The following ORC4 variants were observed in gnomAD, a reference collection of about 807,000 sequenced individuals.
ORC4 encodes origin recognition complex, subunit 4 homolog.
In ORC4, 55 loss-of-function variants were observed where a neutral mutation model predicts 63.9. That is an observed-to-expected ratio of 0.86 (90% CI 0.69 to 1.08). The LOEUF (loss-of-function observed/expected upper bound fraction) is 1.08. Ranked by LOEUF, ORC4 falls within the 50% of genes least tolerant of loss-of-function variation. The pLI, the probability that ORC4 is intolerant of heterozygous loss-of-function variation, is 0.00. For synonymous variants in ORC4, 150 were observed against 168.5 expected (o/e 0.89, Z 0.85); for missense variants, 511 against 504.4 (o/e 1.01, Z -0.13).
rs1158004127 is a variant in ORC4 at position 147,935,653 on chromosome 2, T to C, written c.1168A>G (p.Arg390Gly). The change falls in exon 14 of 14, where the codon AGA becomes GGA. Residue 390 changes from arginine (R) to glycine (G), a missense_variant. Physicochemically the swap from Arg to Gly is moderately radical, Grantham distance 125. Transcript: ENST00000392857. ...TCTCTCTGTGAATTTCCTGAAGTTC[T>C]TTCCATGGGCTTTATTAATTCTAAT... ...QQLELIKPME[R>G]TSGNSQREYQ... 3 of 1,613,528 alleles carry C rather than the reference T, an allele frequency of 1.9e-6. No individual in the cohort carries two copies. The highest frequency in any genetic ancestry group is 3.3e-5 in the Admixed American group (2 of 59,998).
intron 4 of ORC4, among the ~76,000 whole-genome samples, chr2:147,960,899 G>C (rs1436651300): frequency 6.6e-6 from 1 of 151,954 alleles, no homozygotes; most frequent in African/African-American, 2.4e-5. Context: ...AACAAAAAAA[G>C]GTATTTTCTA....
intron 4 of ORC4, among the ~76,000 whole-genome samples, chr2:147,968,608 T>C (rs572412933): frequency 6.6e-6 from 1 of 152,110 alleles, no homozygotes; most frequent in South Asian, 2.1e-4. Flanking sequence ...CCAGTTAGGA[T>C]GTCTATTTTC....
intron 1 of ORC4, among the ~76,000 whole-genome samples, chr2:148,011,592 C>T (rs1184235081): frequency 6.6e-6 from 1 of 152,098 alleles, no homozygotes; most frequent in African/African-American, 2.4e-5. Flanking sequence ...CACTATTACT[C>T]AAGTTAGTAA....
chr2:147,935,773 A>G (rs1688018008), intron 13 of ORC4, 75 bp from the exon 14 acceptor site: 1 of 1,319,748 alleles, frequency 7.6e-7, no homozygotes, highest in Admixed American at 1.7e-5. Context: ...CCCAGAGAAC[A>G]GTTAGCATTT....
At chr2:147,954,618 T>C (rs1689143474) in intron 7 of ORC4, among the ~76,000 whole-genome samples, 1 of 152,178 alleles carries the variant, frequency 6.6e-6, no homozygotes, top group African/African-American at 2.4e-5. Context: ...GGCACATGAC[T>C]GTACATAAAC....
intron 1 of ORC4, among the ~76,000 whole-genome samples, chr2:147,985,240 AG>A (rs1691131582): frequency 6.6e-6 from 1 of 152,120 alleles, no homozygotes; most frequent in Non-Finnish European, 1.5e-5. Context: ...TCTGTTGCCC[AG>A]GCTGGAGTGC....
intron 1 of ORC4, among the ~76,000 whole-genome samples, chr2:147,985,289 CG>C (rs1291452155): frequency 6.6e-6 from 1 of 152,130 alleles, no homozygotes; most frequent in Non-Finnish European, 1.5e-5. Flanking sequence ...CTCCACCTCC[CG>C]GGTTCACACC....
At chr2:148,021,481 TTGCTGCTGCTGCTGCTACTGC>T (rs1553463990), upstream of ORC4, 5 of 573,408 alleles carry the variant, frequency 8.7e-6, no homozygotes, top group South Asian at 3.0e-5. Context: ...GCTGCTGCTG[TTGCTGCTGCTGCTGCTACTGC>T]TGCTGCTGCT....
At position 147,938,346 on chromosome 2, in the gene ORC4, T is replaced by G; in HGVS notation, c.1006A>C (p.Asn336His). The G allele has an allele frequency of 2.5e-6, 4 of 1,608,696 alleles. No homozygotes were observed. The highest frequency in any genetic ancestry group is 3.4e-6 in the Non-Finnish European group (4 of 1,176,576). The part of the protein sequence containing the change: ...ICLIIAMKHL[N>H]DIYEEEPFNF... ...AATGGCTCTTCCTCATAGATGTCAT[T>G]TAAATGTTTCATTGCTATTATAAGA... The change falls in exon 12 of 14, where the codon AAT becomes CAT. Residue 336 changes from asparagine to histidine, a missense_variant. Transcript: ENST00000392857.
intron 4 of ORC4, among the ~76,000 whole-genome samples, chr2:147,967,823 A>G (rs1174531202): frequency 2.6e-5 from 4 of 152,116 alleles, no homozygotes; most frequent in Admixed American, 2.0e-4. Flanking sequence ...GAAACAACAA[A>G]AGATGCCAAA....
At chr2:147,967,470 A>G (rs1200767488) in intron 4 of ORC4, among the ~76,000 whole-genome samples, 1 of 151,980 alleles carries the variant, frequency 6.6e-6, no homozygotes, top group East Asian at 1.9e-4. Flanking sequence ...ATATACAATA[A>G]CCAGTACTGT....
chr2:147,993,472 G>A (rs902871487), intron 1 of ORC4, among the ~76,000 whole-genome samples: 10 of 152,010 alleles, frequency 6.6e-5, no homozygotes, highest in African/African-American at 2.4e-4. Context: ...AAACTTTTAG[G>A]AATAATACAT....
intron 10 of ORC4, among the ~76,000 whole-genome samples, chr2:147,942,861 A>C (rs1436359983): frequency 6.6e-6 from 1 of 151,878 alleles, no homozygotes; most frequent in Non-Finnish European, 1.5e-5. Flanking sequence ...CTATTAAAAA[A>C]CCTCTTAGAA....
intron 1 of ORC4, among the ~76,000 whole-genome samples, chr2:147,986,691 G>A (rs1691216071): frequency 6.6e-6 from 1 of 151,868 alleles, no homozygotes; most frequent in Non-Finnish European, 1.5e-5. Flanking sequence ...GCCTTGTGTG[G>A]AGTGTGTGTG....
intron 2 of ORC4, among the ~76,000 whole-genome samples, chr2:147,975,615 TA>T (rs950763416): frequency 7.9e-5 from 12 of 151,398 alleles, no homozygotes; most frequent in African/African-American, 2.2e-4. Context: ...ACACTAATAT[TA>T]AAAAAAATAT....
intron 2 of ORC4, among the ~76,000 whole-genome samples, chr2:147,974,429 T>C (rs1281765029): frequency 6.6e-6 from 1 of 151,582 alleles, no homozygotes. Flanking sequence ...AGGTTAGGAG[T>C]TCAAGACCAG....
rs1422769575 is a variant in ORC4 at position 147,958,811 on chromosome 2, A to G, written c.281T>C (p.Val94Ala). ...LMEIEEVSENVLQVHLNGLLQ... is the reference protein window; with the variant it reads ...LMEIEEVSENALQVHLNGLLQ... ...CTTACCATTTAAGTGAACTTGTAAT[A>G]CATTTTCACTCACTTCTTCTATTTC... is the stretch of plus-strand genomic sequence containing the variant. The change falls in exon 5 of 14, where the codon GTA (valine) becomes GCA (alanine). Residue 94 changes from valine to alanine, a missense_variant. Val to Ala is a moderately conservative substitution (Grantham distance 64). Coordinates refer to ENST00000392857, the MANE Select transcript of ORC4 (RefSeq NM_181741.4). 19 of 1,463,662 alleles carry G rather than the reference A, an allele frequency of 1.3e-5. No homozygotes were observed. Among genetic ancestry groups the G allele is most frequent in the South Asian group, 1.3e-4 (11 of 87,276 alleles). 90.7% of individuals were successfully genotyped at this position (1,463,662 alleles called of 1,614,324 possible).
At position 147,938,159 on chromosome 2, in the gene ORC4, G is replaced by A. The variant is rs749603608; in HGVS notation, c.1109C>T (p.Pro370Leu). The change falls in exon 13 of 14, where the codon CCT becomes CTT. Residue 370 changes from proline (P) to leucine (L), a missense_variant. Pro to Leu is a moderately conservative substitution (Grantham distance 98). Coordinates refer to ENST00000392857, the MANE Select transcript of ORC4 (RefSeq NM_181741.4). ...ACTAAATCTTACCTTCATGACAACA[G>A]GTTTTTCAAAATTATAAACGGAATG... ...KAHSVYNFEK[P>L]VVMKAFEHLQ... 2 of 1,610,036 alleles carry A rather than the reference G, an allele frequency of 1.2e-6. No homozygotes were observed. The highest frequency in any genetic ancestry group is 1.7e-6 in the Non-Finnish European group (2 of 1,176,944).
rs756900577 is a variant in ORC4, at chr2:148,010,932, G to C, written c.-18+9701C>G. Among the ~76,000 whole-genome samples the C allele has an allele frequency of 2.7e-5, 4 of 145,488 alleles. No homozygotes were observed. The East Asian group carries it at 6.2e-4, about 22-fold the overall frequency. ...CAACCTCCACCTACTGGGTTCAAGC[G>C]ATTCTCCTGCCTCAGCCTCCAGATT... On this transcript the variant is annotated intron_variant, in intron 1 of 13. Coordinates refer to ENST00000392857, the MANE Select transcript of ORC4 (RefSeq NM_181741.4).
Sources: allele counts gnomAD v4.1 joint callset (sites outside exome capture counted in the v4.1 genomes callset), GRCh38; gene constraint gnomAD v4.1.1; transcripts MANE v1.5; gene names NCBI Gene and HGNC (gene_info 2026-07-23, HGNC 2026-07-21).